NTM: variants seen among roughly 807,000 people sequenced by gnomAD.
The protein encoded by NTM is neurotrimin.
In NTM, 13 loss-of-function variants were observed where a neutral mutation model predicts 42.1. That is an observed-to-expected ratio of 0.31 (90% CI 0.20 to 0.49). The LOEUF (loss-of-function observed/expected upper bound fraction) is 0.49. NTM is among the 20% of genes least tolerant of loss of function. The pLI is 0.99. For synonymous variants in NTM, 187 were observed against 179.2 expected, an observed-to-expected ratio of 1.04 and a Z score of -0.35; for missense variants, 373 against 452.8, an observed-to-expected ratio of 0.82 and a Z score of 1.60.
intron 1 of NTM, among the ~76,000 whole-genome samples, chr11:131,877,110 C>T (rs2048643575): frequency 6.6e-6 from 1 of 152,208 alleles, no homozygotes; most frequent in Admixed American, 6.5e-5. Context: ...CCACCCACCT[C>T]GGCCTCCCAA....
intron 2 of NTM, among the ~76,000 whole-genome samples, chr11:131,974,184 A>T (rs2063970338): frequency 6.6e-6 from 1 of 152,208 alleles, no homozygotes; most frequent in South Asian, 2.1e-4. Flanking sequence ...GCAGGCTGTT[A>T]GTCATTAATT....
At chr11:132,202,413 G>T (rs1566458936) in intron 3 of NTM, among the ~76,000 whole-genome samples, 1 of 152,160 alleles carries the variant, frequency 6.6e-6, no homozygotes, top group Non-Finnish European at 1.5e-5. Flanking sequence ...GTGGTGAAGG[G>T]CAATAAAGCC....
chr11:132,163,293 C>T lies in NTM; in HGVS notation c.400+16779C>T, dbSNP rs144198246. 7.0e-4 allele frequency among the ~76,000 whole-genome samples: 106 copies of T among 152,310 alleles called. 2 individuals carry two copies. The East Asian group carries it at 0.019, about 28-fold the overall frequency. On this transcript the variant is annotated intron_variant, in intron 3 of 8. Transcript: ENST00000683400. ...GGTCCTTTCCTAGGGCACAATGACT[C>T]GGGTGCCCCTAGCTAGTCTAGTCAT... is the stretch of plus-strand genomic sequence containing the variant.
intron 1 of NTM, among the ~76,000 whole-genome samples, chr11:131,388,430 T>G (rs975378948): frequency 4.6e-5 from 7 of 151,966 alleles, no homozygotes; most frequent in Admixed American, 2.6e-4. Flanking sequence ...TTGGGTTTTT[T>G]TTTTTTTTTT....
chr11:131,871,851 G>A (rs899173393), intron 1 of NTM, among the ~76,000 whole-genome samples: 9 of 152,092 alleles, frequency 5.9e-5, no homozygotes, highest in African/African-American at 1.9e-4. Flanking sequence ...ATCAGGTACT[G>A]TGTCTTCTCT....
intron 1 of NTM, among the ~76,000 whole-genome samples, chr11:131,710,954 C>T (rs1442673873): frequency 6.6e-6 from 1 of 152,196 alleles, no homozygotes; most frequent in Non-Finnish European, 1.5e-5. Context: ...TTTCTGGCTA[C>T]TGCACTGGTT....
At chr11:131,609,008 G>A (rs2061245862) in intron 1 of NTM, among the ~76,000 whole-genome samples, 1 of 152,234 alleles carries the variant, frequency 6.6e-6, no homozygotes, top group African/African-American at 2.4e-5. Flanking sequence ...CACCAGGGGA[G>A]CTCATTTATG....
At chr11:132,218,122 C>T (rs2084302482) in intron 4 of NTM, among the ~76,000 whole-genome samples, 1 of 152,112 alleles carries the variant, frequency 6.6e-6, no homozygotes, top group Non-Finnish European at 1.5e-5. Flanking sequence ...GCACCAGCAT[C>T]CGGGGCCCCG....
intron 1 of NTM, among the ~76,000 whole-genome samples, chr11:131,854,626 G>A (rs769528736): frequency 1.4e-4 from 21 of 152,144 alleles, no homozygotes; most frequent in Non-Finnish European, 2.8e-4. Flanking sequence ...AGTGTGGGAG[G>A]GAGAGTAGAG....
chr11:132,320,896 G>A (rs1401892100), intron 7 of NTM, among the ~76,000 whole-genome samples: 2 of 151,496 alleles, frequency 1.3e-5, no homozygotes, highest in Non-Finnish European at 2.9e-5. Context: ...TAACTGGGAG[G>A]CACCCCCCAG....
At chr11:132,033,820 A>C (rs1404696713) in intron 2 of NTM, among the ~76,000 whole-genome samples, 1 of 152,102 alleles carries the variant, frequency 6.6e-6, no homozygotes, top group Non-Finnish European at 1.5e-5. Flanking sequence ...GGATTACGGG[A>C]TTTGTTTTAT....
chr11:131,758,188 A>G (rs928101153), intron 1 of NTM, among the ~76,000 whole-genome samples: 6 of 152,138 alleles, frequency 3.9e-5, no homozygotes. Context: ...GCTTCATTTA[A>G]ATATATAGCT....
chr11:131,520,060 G>T (rs951028388), intron 1 of NTM, among the ~76,000 whole-genome samples: 1 of 152,066 alleles, frequency 6.6e-6, no homozygotes, highest in Non-Finnish European at 1.5e-5. Context: ...TTATTTCTGG[G>T]TTAGTACCTA....
At chr11:132,292,988 T>G (rs2094500255) in intron 4 of NTM, among the ~76,000 whole-genome samples, 1 of 151,324 alleles carries the variant, frequency 6.6e-6, no homozygotes, top group African/African-American at 2.4e-5. Flanking sequence ...GAATGTGGAG[T>G]AGGTCACAGA....
At chr11:132,118,845 T>C (rs2064281308) in intron 2 of NTM, among the ~76,000 whole-genome samples, 1 of 152,128 alleles carries the variant, frequency 6.6e-6, no homozygotes, top group African/African-American at 2.4e-5. Context: ...GGTAATCTGT[T>C]CTTAAATTGG....
At chr11:132,059,932 T>A (rs1350341005) in intron 2 of NTM, among the ~76,000 whole-genome samples, 2 of 152,130 alleles carry the variant, frequency 1.3e-5, no homozygotes, top group Non-Finnish European at 2.9e-5. Context: ...CTGGAGTCCC[T>A]CCTGCAGCCT....
intron 1 of NTM, among the ~76,000 whole-genome samples, chr11:131,408,815 T>C (rs562565065): frequency 1.0e-3 from 156 of 152,360 alleles, no homozygotes; most frequent in African/African-American, 3.7e-3. Context: ...GCAAAACTTT[T>C]GTCAGGGATT....
intron 1 of NTM, among the ~76,000 whole-genome samples, chr11:131,844,967 A>T (rs1282064616): frequency 6.6e-6 from 1 of 152,014 alleles, no homozygotes; most frequent in African/African-American, 2.4e-5. Context: ...CACTATGCTG[A>T]CTCTGACCTC....
At chr11:132,005,633 C>T (rs2070596360) in intron 2 of NTM, among the ~76,000 whole-genome samples, 1 of 151,960 alleles carries the variant, frequency 6.6e-6, no homozygotes, top group African/African-American at 2.4e-5. Flanking sequence ...AAGAAGTTTC[C>T]ATCTCCCTTT....
Sources: gnomAD v4.1 joint callset for allele counts (sites outside exome capture counted in the v4.1 genomes callset) on GRCh38, gnomAD v4.1.1 for gene constraint, MANE v1.5 for transcripts, NCBI Gene and HGNC (gene_info 2026-07-23, HGNC 2026-07-21) for gene names.